The following PRKN variants were observed in gnomAD, a reference collection of about 807,000 sequenced individuals.
The protein encoded by PRKN is E3 ubiquitin-protein ligase parkin.
A neutral mutation model predicts 59.5 loss-of-function variants in PRKN; 56 were observed. That is an observed-to-expected ratio of 0.94 (90% CI 0.76 to 1.18). The LOEUF (loss-of-function observed/expected upper bound fraction) is 1.18. Ranked by LOEUF, PRKN falls within the 50% of genes most tolerant of loss-of-function variation. The probability of loss-of-function intolerance (pLI) is 0.00; values close to 1 mark genes in which losing one functional copy is unlikely to be tolerated. For synonymous variants in PRKN, 250 were observed against 222.1 expected (o/e 1.13, Z -1.12); for missense variants, 657 against 596.4 (o/e 1.10, Z -1.06).
At chr6:162,069,751 T>C (rs1372692256) in intron 4 of PRKN, among the ~76,000 whole-genome samples, 1 of 152,156 alleles carries the variant, frequency 6.6e-6, no homozygotes, top group Admixed American at 6.6e-5. Flanking sequence ...CTACAAATTG[T>C]TTAAAACAAA....
At chr6:161,677,062 C>CATCA (rs565394569) in intron 7 of PRKN, among the ~76,000 whole-genome samples, 320 of 152,302 alleles carry the variant, frequency 2.1e-3, no homozygotes, top group Admixed American at 4.8e-3. Flanking sequence ...CTCTATTTTA[C>CATCA]ATCAATTCTT....
chr6:162,037,553 T>C (rs1465651493), intron 5 of PRKN, among the ~76,000 whole-genome samples: 1 of 152,026 alleles, frequency 6.6e-6, no homozygotes, highest in Non-Finnish European at 1.5e-5. Context: ...GCTTTTTTTT[T>C]TTTTTTGGTT....
At chr6:162,707,038 A>G (rs967697190) in intron 1 of PRKN, among the ~76,000 whole-genome samples, 2 of 152,216 alleles carry the variant, frequency 1.3e-5, no homozygotes. Flanking sequence ...AGCTTTTAAG[A>G]AAAGTAGCTG....
intron 9 of PRKN, among the ~76,000 whole-genome samples, chr6:161,387,816 G>A (rs754405007): frequency 6.6e-6 from 1 of 152,274 alleles, no homozygotes; most frequent in Non-Finnish European, 1.5e-5. Context: ...AGTGGTAAAG[G>A]GAAGATGAGG....
At chr6:162,144,570 T>C (rs114920672) in intron 4 of PRKN, among the ~76,000 whole-genome samples, 2,355 of 152,254 alleles carry the variant, frequency 0.015, 59 homozygotes, top group African/African-American at 0.054. Context: ...CTGCAGTAGG[T>C]GCACACGAAC....
rs1781373765 is a variant in PRKN at position 161,582,445 on chromosome 6, G to C, written c.872-13029C>G. Among the ~76,000 whole-genome samples the C allele has an allele frequency of 7.8e-6, 1 of 127,442 alleles. No individual in the cohort carries two copies. The highest frequency in any genetic ancestry group is 1.6e-5 in the Non-Finnish European group (1 of 60,884). The allele number at this position is 127,442 out of a possible 152,430, so 83.6% of individuals were successfully genotyped here. Reference sequence around the variant, plus strand: ...TATTATTATTATTATTATTATTTTTGAGACAGAGTCTCGCTCTGTCGCCTA... The same window carrying C: ...TATTATTATTATTATTATTATTTTTCAGACAGAGTCTCGCTCTGTCGCCTA... On this transcript the variant is annotated intron_variant, in intron 7 of 11. Transcript: ENST00000366898. The surrounding 1 kb of genome is among the most constrained non-coding windows in gnomAD (Gnocchi z 4.4).
Position 161,457,481 on chromosome 6 carries a change from G to A in PRKN, c.1084-70604C>T, listed in dbSNP as rs559344419. On this transcript the variant is annotated intron_variant, in intron 9 of 11. Coordinates refer to ENST00000366898, the MANE Select transcript of PRKN (RefSeq NM_004562.3). The surrounding 1 kb of genome is among the most constrained non-coding windows in gnomAD (Gnocchi z 5.0). ...CTGTATTCTGAAAGGATACATGGAT[G>A]TCATATAAATAACTCAAAATTCATG... Among the ~76,000 whole-genome samples the A allele has an allele frequency of 6.6e-6, 1 of 152,320 alleles. No individual in the cohort carries two copies. Among genetic ancestry groups the A allele is most frequent in the South Asian group, 2.1e-4 (1 of 4,824 alleles).
intron 6 of PRKN, among the ~76,000 whole-genome samples, chr6:161,786,472 T>C (rs1476630142): frequency 2.0e-5 from 3 of 152,162 alleles, no homozygotes; most frequent in African/African-American, 4.8e-5. Flanking sequence ...ATTTAGGACT[T>C]GTATATAGTG....
rs117802834 is a variant in PRKN at position 162,090,816 on chromosome 6, G to A, written c.535-36642C>T. Among the ~76,000 whole-genome samples the A allele has an allele frequency of 5.4e-4, 82 of 152,204 alleles. 2 individuals carry two copies. The East Asian group carries it at 0.012, about 22-fold the overall frequency. On this transcript the variant is annotated intron_variant, in intron 4 of 11. Coordinates refer to ENST00000366898, the MANE Select transcript of PRKN (RefSeq NM_004562.3). ...AATGTGTTTTTCTCTAGTGCTGAAG[G>A]TTTGGAAAATGCTAGACCCTAAGAT...
chr6:161,438,596 A>G (rs12526387), intron 9 of PRKN, among the ~76,000 whole-genome samples: 5,613 of 152,248 alleles, frequency 0.037, 128 homozygotes, highest in South Asian at 0.077. Context: ...TTCACTCAGA[A>G]GGGAAGGGAA....
intron 6 of PRKN, among the ~76,000 whole-genome samples, chr6:161,955,639 T>C (rs1398986451): frequency 2.0e-5 from 3 of 152,104 alleles, no homozygotes; most frequent in Admixed American, 2.0e-4. Flanking sequence ...TCACCTGAGG[T>C]CAGGAGTTTG....
intron 7 of PRKN, among the ~76,000 whole-genome samples, chr6:161,656,384 C>T (rs1034808073): frequency 3.3e-5 from 5 of 152,138 alleles, no homozygotes; most frequent in African/African-American, 1.2e-4. Flanking sequence ...GCTTCACTGG[C>T]TTTGATTTTC....
chr6:161,713,375 G>A (rs1166130315), intron 7 of PRKN, among the ~76,000 whole-genome samples: 1 of 152,136 alleles, frequency 6.6e-6, no homozygotes, highest in Non-Finnish European at 1.5e-5. Flanking sequence ...AATGGGTGGG[G>A]CTGAAAGTTC....
chr6:162,526,035 G>C (rs886910261), intron 1 of PRKN, among the ~76,000 whole-genome samples: 1 of 151,888 alleles, frequency 6.6e-6, no homozygotes, highest in Non-Finnish European at 1.5e-5. Flanking sequence ...TAAAGCTGGG[G>C]TTTCACTATG....
chr6:161,893,466 A>T (rs1309776949), intron 6 of PRKN, among the ~76,000 whole-genome samples: 1 of 152,176 alleles, frequency 6.6e-6, no homozygotes, highest in African/African-American at 2.4e-5. Context: ...TATAGTTTAA[A>T]TAGACACTGG....
chr6:162,709,337 G>C (rs1303991095), intron 1 of PRKN, among the ~76,000 whole-genome samples: 2 of 151,062 alleles, frequency 1.3e-5, no homozygotes, highest in African/African-American at 4.9e-5. Context: ...GGAGACTACT[G>C]TCTTACTGGG....
At chr6:162,581,288 C>A (rs1780780277) in intron 1 of PRKN, among the ~76,000 whole-genome samples, 1 of 152,110 alleles carries the variant, frequency 6.6e-6, no homozygotes, top group Non-Finnish European at 1.5e-5. Context: ...GATTATTTAA[C>A]TTAGAATGAA....
At chr6:161,365,352 T>G (rs1281022905) in intron 10 of PRKN, among the ~76,000 whole-genome samples, 1 of 152,240 alleles carries the variant, frequency 6.6e-6, no homozygotes, top group African/African-American at 2.4e-5. Context: ...ACTCAGGGGC[T>G]GAAGTTTCTG....
At chr6:162,133,946 AAGAG>A (rs1554275275) in intron 4 of PRKN, among the ~76,000 whole-genome samples, 2 of 152,192 alleles carry the variant, frequency 1.3e-5, no homozygotes. Context: ...TAGAAAAAGA[AAGAG>A]AGAATTTGGG....
Sources: gnomAD v4.1 joint callset for allele counts (sites outside exome capture counted in the v4.1 genomes callset) on GRCh38, gnomAD v4.1.1 for gene constraint, Gnocchi (gnomAD v3.1) non-coding constraint, MANE v1.5 for transcripts, NCBI Gene and HGNC (gene_info 2026-07-23, HGNC 2026-07-21) for gene names.